The following CYLC1 variants were observed in gnomAD, a reference collection of about 807,000 sequenced individuals.
CYLC1 encodes cylicin-1.
A neutral mutation model predicts 31.6 loss-of-function variants in CYLC1; 2 were observed. The observed-to-expected ratio is 0.06, with a 90% CI of 0.03 to 0.20. CYLC1 has a LOEUF of 0.20. CYLC1 is among the 10% of genes least tolerant of loss of function. CYLC1 has a pLI of 1.00. For synonymous variants in CYLC1, 185 were observed against 153.0 expected (o/e 1.21, Z -1.54); for missense variants, 595 against 424.1 (o/e 1.40, Z -3.54).
intron 1 of CYLC1, among the ~76,000 whole-genome samples, chrX:83,862,784 A>G (rs1569331618): frequency 9.0e-6 from 1 of 111,441 alleles, no homozygotes; most frequent in African/African-American, 3.3e-5. Context: ...TCTGACTCCA[A>G]TCTGAATGAT....
At chrX:83,875,196 C>T (rs1312938345) in intron 4 of CYLC1, among the ~76,000 whole-genome samples, 1 of 111,171 alleles carries the variant, frequency 9.0e-6, no homozygotes, top group Admixed American at 9.6e-5. Context: ...TCAGAAATAA[C>T]TATATCTTCT....
intron 1 of CYLC1, among the ~76,000 whole-genome samples, chrX:83,868,624 T>C (rs781306388): frequency 1.1e-4 from 12 of 111,112 alleles, no homozygotes; most frequent in Non-Finnish European, 2.1e-4. Flanking sequence ...TGTAGATACT[T>C]AATTGATTAA....
rs765965072 is a variant in CYLC1, at chrX:83,867,319, T to C, written c.18-2546T>C. Among the ~76,000 whole-genome samples the C allele has an allele frequency of 9.0e-5, 10 of 111,624 alleles. No homozygotes were observed. In the East Asian group the frequency reaches 2.8e-3, roughly 32 times the overall value. On this transcript the variant is annotated intron_variant, in intron 1 of 4. Transcript: ENST00000329312. ...GTCAAGGCTTTTTCTATCACACTCC[T>C]CAAAATTATTTTAATCTCTTCCCAA... is the stretch of plus-strand genomic sequence containing the variant.
At chrX:83,877,010 T>G (rs749961230) in intron 4 of CYLC1, among the ~76,000 whole-genome samples, 127 of 111,398 alleles carry the variant, frequency 1.1e-3, no homozygotes, top group Non-Finnish European at 2.0e-3. Flanking sequence ...TAGTATCTAC[T>G]GGGCATCTCA....
At chrX:83,878,172 T>A (rs1347133279) in intron 4 of CYLC1, among the ~76,000 whole-genome samples, 1 of 36,453 alleles carries the variant, frequency 2.7e-5, no homozygotes, top group Non-Finnish European at 4.2e-5. Context: ...ATATATAAAA[T>A]ATATATATTT....
intron 1 of CYLC1, among the ~76,000 whole-genome samples, chrX:83,867,854 A>C (rs1038667315): frequency 8.9e-6 from 1 of 111,820 alleles, no homozygotes; most frequent in Non-Finnish European, 1.9e-5. Context: ...AAGGTCCTAG[A>C]AATTAAAATA....
chrX:83,869,717 T>G, intron 1 of CYLC1, 148 bp from the exon 2 acceptor site: 1 of 234,228 alleles, frequency 4.3e-6, no homozygotes, highest in East Asian at 1.1e-4. Flanking sequence ...TAATAATGAG[T>G]GACAATAAGA....
chrX:83,879,329 C>T (rs1050543719), intron 4 of CYLC1, among the ~76,000 whole-genome samples: 1 of 109,651 alleles, frequency 9.1e-6, no homozygotes, highest in African/African-American at 3.4e-5. Context: ...TCTCTTACAC[C>T]ATTTCCTTGT....
At position 83,884,272 on chromosome X, in the gene CYLC1, T is replaced by C. The variant is rs754461645; in HGVS notation, c.1924-2280T>C. ...GTTCTTAGCCTACTTTTTGATGACA[T>C]TGTTTGGTTTTTTCCTTGTTGATTT... On this transcript the variant is annotated intron_variant, in intron 4 of 4. Coordinates refer to ENST00000329312, the MANE Select transcript of CYLC1 (RefSeq NM_021118.3). 4.5e-5 allele frequency among the ~76,000 whole-genome samples: 5 copies of C among 111,548 alleles called. No homozygotes were observed. In the East Asian group the frequency reaches 1.1e-3, roughly 25 times the overall value.
intron 4 of CYLC1, among the ~76,000 whole-genome samples, chrX:83,878,003 TAAATATATATATAA>T (rs1339466277): frequency 1.4e-5 from 1 of 70,708 alleles, no homozygotes; most frequent in African/African-American, 5.5e-5. Context: ...TATTTGTATA[TAAATATATATATAA>T]AAATATATAT....
At chrX:83,867,780 A>G (rs1462042023) in intron 1 of CYLC1, among the ~76,000 whole-genome samples, 2 of 111,536 alleles carry the variant, frequency 1.8e-5, no homozygotes, top group Non-Finnish European at 3.8e-5. Flanking sequence ...ATAACCTTCC[A>G]GTATCAAGAT....
chrX:83,880,058 T>C (rs767819524), intron 4 of CYLC1, among the ~76,000 whole-genome samples: 1 of 111,885 alleles, frequency 8.9e-6, no homozygotes, highest in African/African-American at 3.2e-5. Flanking sequence ...TTTGTCCATT[T>C]TTCACATGGG....
intron 4 of CYLC1, among the ~76,000 whole-genome samples, chrX:83,876,867 A>G (rs1227573388): frequency 9.0e-6 from 1 of 110,660 alleles, no homozygotes; most frequent in Non-Finnish European, 1.9e-5. Context: ...CTTTATTTAC[A>G]GTCCTCCCTT....
rs1180461406 is a variant in CYLC1 at position 83,886,600 on chromosome X, T to C, written c.*16T>C. ...GCTGCTTTAAAGAACAACTGAGCAC[T>C]TGGTTTCACAGAATGGCCTTACCAC... is the stretch of plus-strand genomic sequence containing the variant. On this transcript the variant is annotated 3_prime_UTR_variant, in exon 5 of 5. Transcript: ENST00000329312. 2.5e-6 allele frequency: 3 copies of C among 1,197,084 alleles called. No homozygotes were observed. Among genetic ancestry groups the C allele is most frequent in the Admixed American group, 4.4e-5 (2 of 45,868 alleles).
intron 1 of CYLC1, among the ~76,000 whole-genome samples, chrX:83,869,387 A>AC (rs2031633726): frequency 9.2e-6 from 1 of 109,236 alleles, no homozygotes; most frequent in Non-Finnish European, 1.9e-5. Context: ...CCTCTGATAG[A>AC]CCCCAATGTG....
At position 83,874,581 on chromosome X, in the gene CYLC1, T is replaced by C; in HGVS notation, c.1873T>C (p.Cys625Arg). Residue 625 changes from cysteine (C) to arginine (R), a missense_variant, in exon 4 of 5, where the codon TGT (cysteine) becomes CGT (arginine). Physicochemically the swap from Cys to Arg is radical, Grantham distance 180. Transcript: ENST00000329312. Reference protein sequence around the residue: ...SLPSPKVRRLCWCKMPPPPPK... With the variant: ...SLPSPKVRRLRWCKMPPPPPK... ...ACCATCACCAAAGGTCAGACGTCTT[T>C]GTTGGTGCAAGATGCCTCCTCCACC... The C allele has an allele frequency of 8.3e-7, 1 of 1,208,179 alleles. No individual in the cohort carries two copies. Among genetic ancestry groups the C allele is most frequent in the East Asian group, 3.0e-5 (1 of 33,790 alleles).
chrX:83,861,719 T>A (rs1413220977), intron 1 of CYLC1, among the ~76,000 whole-genome samples: 2 of 111,925 alleles, frequency 1.8e-5, no homozygotes, highest in African/African-American at 6.5e-5. Flanking sequence ...TTTTCTGAAG[T>A]CTTTAGTTGC....
At chrX:83,874,767 G>A in intron 4 of CYLC1, 136 bp downstream of exon 4, 1 of 647,832 alleles carries the variant, frequency 1.5e-6, no homozygotes, top group Non-Finnish European at 2.2e-6. Context: ...TCGAAGGTAA[G>A]AAAAATAAAG....
Position 83,873,087 on chromosome X carries a change from T to C in CYLC1, c.379T>C (p.Leu127=). 1 of 1,195,841 alleles carries C rather than the reference T, an allele frequency of 8.4e-7. No homozygotes were observed. Among genetic ancestry groups the C allele is most frequent in the African/African-American group, 1.8e-5 (1 of 56,523 alleles). ...KSKDEKGGTP[L]KKDSKKKGGS... is the part of the protein sequence containing the mutation. Reference sequence around the variant, plus strand: ...CAAAGATGAAAAAGGAGGAACACCTTTGAAGAAAGATTCCAAGAAAAAAGG... The same window carrying C: ...CAAAGATGAAAAAGGAGGAACACCTCTGAAGAAAGATTCCAAGAAAAAAGG... Residue 127 remains leucine (L), a synonymous_variant, in exon 4 of 5, where the codon TTG becomes CTG. Coordinates refer to ENST00000329312, the MANE Select transcript of CYLC1 (RefSeq NM_021118.3).
Sources: allele counts gnomAD v4.1 joint callset (sites outside exome capture counted in the v4.1 genomes callset), GRCh38; gene constraint gnomAD v4.1.1; transcripts MANE v1.5; gene names NCBI Gene and HGNC (gene_info 2026-07-23, HGNC 2026-07-21).